The following IPMK variants were observed in gnomAD, a reference collection of about 807,000 sequenced individuals.
IPMK encodes inositol 1,3,4,6-tetrakisphosphate 5-kinase.
A neutral mutation model predicts 45.8 loss-of-function variants in IPMK; 17 were observed. That is an observed-to-expected ratio of 0.37 (90% confidence interval 0.25 to 0.56). IPMK has a LOEUF of 0.56. IPMK is among the 20% of genes least tolerant of loss of function. The pLI is 0.79. For synonymous variants in IPMK, 180 were observed against 184.3 expected, an observed-to-expected ratio of 0.98 and a Z score of 0.19; for missense variants, 399 against 498.0, an observed-to-expected ratio of 0.80 and a Z score of 1.89.
At chr10:58,230,015 A>G (rs1000224692) in intron 2 of IPMK, among the ~76,000 whole-genome samples, 4 of 152,210 alleles carry the variant, frequency 2.6e-5, no homozygotes, top group Middle Eastern at 3.2e-3. Context: ...TCTCCCATGC[A>G]TGGCTCAGTG....
intron 1 of IPMK, among the ~76,000 whole-genome samples, chr10:58,258,009 T>C (rs1458554209): frequency 1.3e-5 from 2 of 152,148 alleles, no homozygotes; most frequent in Non-Finnish European, 2.9e-5. Flanking sequence ...TTCTCAATAA[T>C]TGATAAAACA....
chr10:58,266,402 G>C (rs772382018), intron 1 of IPMK, among the ~76,000 whole-genome samples: 1 of 152,154 alleles, frequency 6.6e-6, no homozygotes, highest in Non-Finnish European at 1.5e-5. Context: ...AAAAAATACA[G>C]TACTCAAAGG....
Position 58,227,148 on chromosome 10 carries a change from G to T in IPMK, c.277-9C>A. On this transcript the variant is annotated splice_polypyrimidine_tract_variant and intron_variant, in intron 2 of 5. Transcript: ENST00000373935. ...CAGTCAGCAGCATAAACCTGAAACA[G>T]AGAAATATAACATTGCTAGATTCTT... is the stretch of plus-strand genomic sequence containing the variant. The T allele has an allele frequency of 6.3e-7, 1 of 1,590,682 alleles. No homozygotes were observed. Among genetic ancestry groups the T allele is most frequent in the South Asian group, 1.1e-5 (1 of 90,026 alleles).
chr10:58,249,790 T>C (rs1251057180), intron 1 of IPMK, among the ~76,000 whole-genome samples: 1 of 152,204 alleles, frequency 6.6e-6, no homozygotes, highest in Non-Finnish European at 1.5e-5. Flanking sequence ...TCCCAAAGCA[T>C]TTCTTCAGTA....
chr10:58,245,376 G>A (rs1325499194), intron 1 of IPMK, among the ~76,000 whole-genome samples: 1 of 151,982 alleles, frequency 6.6e-6, no homozygotes, highest in African/African-American at 2.4e-5. Context: ...TACTCTGGGA[G>A]GCCAAGACAG....
Position 58,196,601 on chromosome 10 carries a change from G to C in IPMK, c.726C>G (p.Asn242Lys). Residue 242 changes from asparagine to lysine, a missense_variant, in exon 6 of 6, where the codon AAC (asparagine) becomes AAG (lysine). Asn to Lys is a moderately conservative substitution (Grantham distance 94). Around this residue, in one of 2 missense-constraint regions of IPMK, gnomAD observed 288 missense variants for 398.0 expected, o/e 0.72. Coordinates refer to ENST00000373935, the MANE Select transcript of IPMK (RefSeq NM_152230.5). ...KIEKILQWFENQKQLNFYASS... is the reference protein window; with the variant it reads ...KIEKILQWFEKQKQLNFYASS... ...TTGCGTAAAAATTAAGCTGCTTCTG[G>C]TTTTCAAACCACTGCAGAATTTTCT... 6.2e-7 allele frequency: 1 copy of C among 1,614,004 alleles called. No homozygotes were observed. Among genetic ancestry groups the C allele is most frequent in the South Asian group, 1.1e-5 (1 of 91,076 alleles).
chr10:58,203,793 A>G (rs1350557905), intron 4 of IPMK, among the ~76,000 whole-genome samples: 1 of 152,232 alleles, frequency 6.6e-6, no homozygotes, highest in South Asian at 2.1e-4. Flanking sequence ...TCAAAGTTCT[A>G]CTGTGGGTAA....
chr10:58,207,869 G>C (rs1838093541), intron 4 of IPMK, among the ~76,000 whole-genome samples: 1 of 152,128 alleles, frequency 6.6e-6, no homozygotes, highest in African/African-American at 2.4e-5. Context: ...CAAACTTTTA[G>C]ATTTCTTTAG....
chr10:58,253,743 A>AAG (rs1838920402), intron 1 of IPMK, among the ~76,000 whole-genome samples: 1 of 136,918 alleles, frequency 7.3e-6, no homozygotes, highest in East Asian at 2.2e-4. Flanking sequence ...CCAAAAAAAA[A>AAG]AAAAAAAGAA....
chr10:58,265,063 G>T (rs1049223307), intron 1 of IPMK, among the ~76,000 whole-genome samples: 2 of 152,130 alleles, frequency 1.3e-5, no homozygotes, highest in African/African-American at 4.8e-5. Flanking sequence ...TGTATTCTTA[G>T]AACTAAGATT....
At chr10:58,226,123 C>A (rs568716382) in intron 3 of IPMK, among the ~76,000 whole-genome samples, 1 of 152,240 alleles carries the variant, frequency 6.6e-6, no homozygotes, top group African/African-American at 2.4e-5. Context: ...AATTTACTAT[C>A]AGCTAGCTGA....
chr10:58,264,860 T>TA (rs1839126182), intron 1 of IPMK, among the ~76,000 whole-genome samples: 1 of 152,118 alleles, frequency 6.6e-6, no homozygotes, highest in African/African-American at 2.4e-5. Context: ...TTTATTTGTA[T>TA]AAAAAAACAG....
At chr10:58,230,823 G>C (rs1286465190) in intron 2 of IPMK, among the ~76,000 whole-genome samples, 1 of 152,218 alleles carries the variant, frequency 6.6e-6, no homozygotes, top group African/African-American at 2.4e-5. Flanking sequence ...GACAGAGAAT[G>C]ACTTTGACGA....
intron 2 of IPMK, among the ~76,000 whole-genome samples, chr10:58,232,918 T>G (rs901769164): frequency 2.0e-5 from 3 of 151,984 alleles, no homozygotes; most frequent in African/African-American, 7.3e-5. Context: ...TCAACAAAAC[T>G]GATAGACCAC....
chr10:58,206,983 G>GTATATA lies in IPMK; in HGVS notation c.547-7668_547-7663dup, dbSNP rs59628756. On this transcript the variant is annotated intron_variant, in intron 4 of 5. Transcript: ENST00000373935. Reference sequence around the variant, plus strand: ...TTATGGCTGAGTAATAGTCCACCATGTATATATATATATATCACATTTTCT... The same window carrying GTATATA: ...TTATGGCTGAGTAATAGTCCACCATGTATATATATATATATATATATCACATTTTCT... 2.9e-3 allele frequency among the ~76,000 whole-genome samples: 441 copies of GTATATA among 150,338 alleles called. 2 individuals carry two copies. The highest frequency in any genetic ancestry group is 0.01 in the African/African-American group (422 of 41,086).
chr10:58,257,218 G>C (rs1223367584), intron 1 of IPMK, among the ~76,000 whole-genome samples: 1 of 152,180 alleles, frequency 6.6e-6, no homozygotes, highest in Non-Finnish European at 1.5e-5. Context: ...TCAACAGCCA[G>C]GCCCGGTGGC....
At chr10:58,209,303 C>T (rs2105220) in intron 4 of IPMK, among the ~76,000 whole-genome samples, 51,466 of 151,960 alleles carry the variant, frequency 0.34, 10,964 homozygotes, top group African/African-American at 0.61. Context: ...AGTGGCTGCC[C>T]GCCTGTTGCA....
At chr10:58,234,208 A>T (rs1467457001) in intron 2 of IPMK, among the ~76,000 whole-genome samples, 1 of 152,208 alleles carries the variant, frequency 6.6e-6, no homozygotes, top group East Asian at 1.9e-4. Flanking sequence ...CATGGACAGG[A>T]AGAATCAATA....
intron 4 of IPMK, among the ~76,000 whole-genome samples, chr10:58,210,583 T>C (rs186405454): frequency 6.6e-6 from 1 of 152,328 alleles, no homozygotes; most frequent in Admixed American, 6.5e-5. Flanking sequence ...TGAAATATAG[T>C]CAGGGATTAC....
Sources: gnomAD v4.1 joint callset for allele counts (sites outside exome capture counted in the v4.1 genomes callset) on GRCh38, gnomAD v4.1.1 for gene constraint, gnomAD v4.1.1 regional missense constraint, MANE v1.5 for transcripts, NCBI Gene and HGNC (gene_info 2026-07-23, HGNC 2026-07-21) for gene names.